Variants in PPP2R2B observed in about 807,000 individuals in gnomAD.
PPP2R2B encodes protein phosphatase 2 regulatory subunit Bbeta, also known as serine/threonine-protein phosphatase 2A 55 kDa regulatory subunit B beta isoform.
In PPP2R2B, 5 loss-of-function variants were observed where a neutral mutation model predicts 46.0. The ratio of observed to expected loss-of-function variants is 0.11; its 90% CI spans 0.06 to 0.23. The LOEUF is 0.23. Among genes scored for constraint, PPP2R2B ranks in the 10% least tolerant of loss-of-function variants. PPP2R2B has a pLI of 1.00. For missense variants in PPP2R2B, 367 were observed against 575.0 expected (o/e 0.64, Z 3.70); for synonymous variants, 215 against 206.7 (o/e 1.04, Z -0.34).
intron 2 of PPP2R2B, among the ~76,000 whole-genome samples, chr5:146,745,200 GAGAGAGAA>G (rs60754040): frequency 0.11 from 13,175 of 124,776 alleles, 936 homozygotes; most frequent in Middle Eastern, 0.15. Context: ...GAGAGAGAGA[GAGAGAGAA>G]AGAGACTATA....
intron 2 of PPP2R2B, among the ~76,000 whole-genome samples, chr5:146,841,830 T>C (rs1441129600): frequency 1.3e-5 from 2 of 152,158 alleles, no homozygotes; most frequent in Non-Finnish European, 2.9e-5. Context: ...ATACCTAATA[T>C]AGATGACGGG....
chr5:146,828,619 T>A (rs1758728352), intron 2 of PPP2R2B, among the ~76,000 whole-genome samples: 1 of 152,216 alleles, frequency 6.6e-6, no homozygotes, highest in Non-Finnish European at 1.5e-5. Context: ...GACAGCCAGA[T>A]GGAGATAATA....
intron 1 of PPP2R2B, among the ~76,000 whole-genome samples, chr5:146,895,838 C>G (rs1240818232): frequency 6.6e-6 from 1 of 152,168 alleles, no homozygotes; most frequent in Non-Finnish European, 1.5e-5. Context: ...TCCATCTCCA[C>G]CACAGGAAAG....
chr5:146,728,850 C>A (rs1342381962), intron 2 of PPP2R2B, among the ~76,000 whole-genome samples: 1 of 152,156 alleles, frequency 6.6e-6, no homozygotes, highest in Non-Finnish European at 1.5e-5. Flanking sequence ...CCATGTGGAA[C>A]CATATAAGTC....
At chr5:146,823,922 A>G (rs1272616935) in intron 2 of PPP2R2B, among the ~76,000 whole-genome samples, 1 of 152,180 alleles carries the variant, frequency 6.6e-6, no homozygotes, top group Non-Finnish European at 1.5e-5. Context: ...CTTACAAGTC[A>G]GCAAGTACCA....
chr5:146,783,675 T>C (rs1755670339), intron 2 of PPP2R2B, among the ~76,000 whole-genome samples: 1 of 152,232 alleles, frequency 6.6e-6, no homozygotes, highest in Non-Finnish European at 1.5e-5. Context: ...TGCTTGTCTT[T>C]GCAATGGTCA....
At chr5:146,744,700 T>C (rs116010640) in intron 2 of PPP2R2B, among the ~76,000 whole-genome samples, 2,780 of 152,328 alleles carry the variant, frequency 0.018, 37 homozygotes, top group South Asian at 0.045. Context: ...TCATTCCTCA[T>C]ATCTGAGAAA....
rs569296812 is a variant in PPP2R2B at position 146,757,274 on chromosome 5, C to T, written c.71-56132G>A. Reference sequence around the variant, plus strand: ...AGCCACAGAAGGTTTAGAAGTAGAGCGGGAACATGGTTTTATATAAATTTA... The same window carrying T: ...AGCCACAGAAGGTTTAGAAGTAGAGTGGGAACATGGTTTTATATAAATTTA... On this transcript the variant is annotated intron_variant, in intron 2 of 9. Coordinates refer to ENST00000394411, the MANE Select transcript of PPP2R2B (RefSeq NM_181675.4). Among the ~76,000 whole-genome samples the T allele has an allele frequency of 1.9e-4, 29 of 152,074 alleles. No homozygotes were observed. The South Asian group carries it at 3.3e-3, about 17-fold the overall frequency.
At chr5:146,663,160 C>T (rs1776772418) in intron 5 of PPP2R2B, among the ~76,000 whole-genome samples, 5 of 152,130 alleles carry the variant, frequency 3.3e-5, no homozygotes, top group Admixed American at 3.3e-4. Flanking sequence ...ATATCTGAGA[C>T]ACAAAGCAGT....
intron 1 of PPP2R2B, among the ~76,000 whole-genome samples, chr5:147,050,705 T>C (rs1019284992): frequency 6.6e-6 from 1 of 151,938 alleles, no homozygotes; most frequent in South Asian, 2.1e-4. Context: ...CATACCTACA[T>C]TGATATACAC....
chr5:146,702,723 G>A (rs1386468684), intron 2 of PPP2R2B, among the ~76,000 whole-genome samples: 1 of 152,160 alleles, frequency 6.6e-6, no homozygotes, highest in African/African-American at 2.4e-5. Flanking sequence ...CATATCTGTG[G>A]GCTGAATGTG....
chr5:146,862,464 G>A lies in PPP2R2B; in HGVS notation c.70+15538C>T, dbSNP rs540009713. ...AACTTGGACCTCAGTTGCCACATTC[G>A]TGAAATGGGGAAAATATCTATAAGC... On this transcript the variant is annotated intron_variant, in intron 2 of 9. Coordinates refer to ENST00000394411, the MANE Select transcript of PPP2R2B (RefSeq NM_181675.4). Among the ~76,000 whole-genome samples, 7 of 152,272 alleles carry A rather than the reference G, an allele frequency of 4.6e-5. No individual in the cohort carries two copies. The East Asian group carries it at 5.8e-4, about 13-fold the overall frequency.
At chr5:146,620,370 T>C (rs569599417) in intron 7 of PPP2R2B, among the ~76,000 whole-genome samples, 1 of 152,310 alleles carries the variant, frequency 6.6e-6, no homozygotes, top group Admixed American at 6.5e-5. Flanking sequence ...TTTTGAGAAC[T>C]GTCATTCTGG....
At chr5:146,953,022 A>G (rs1751696829) in intron 1 of PPP2R2B, among the ~76,000 whole-genome samples, 1 of 152,210 alleles carries the variant, frequency 6.6e-6, no homozygotes, top group African/African-American at 2.4e-5. Flanking sequence ...AAAATATGTA[A>G]AAATGATAAA....
At chr5:146,827,505 A>C (rs1027006541) in intron 2 of PPP2R2B, among the ~76,000 whole-genome samples, 1 of 152,350 alleles carries the variant, frequency 6.6e-6, no homozygotes, top group South Asian at 2.1e-4. Flanking sequence ...AGAAATTTGC[A>C]TGAACCCTTT....
At chr5:147,008,677 C>G (rs958922328) in intron 1 of PPP2R2B, among the ~76,000 whole-genome samples, 5 of 152,164 alleles carry the variant, frequency 3.3e-5, no homozygotes, top group African/African-American at 7.2e-5. Context: ...CCCCACCCCC[C>G]ACTCCTATGT....
Position 147,074,596 on chromosome 5 carries a change from A to T in PPP2R2B, c.50+6463T>A, listed in dbSNP as rs544828065. 1.0e-3 allele frequency among the ~76,000 whole-genome samples: 154 copies of T among 152,004 alleles called. 1 individual carries two copies. The highest frequency in any genetic ancestry group is 3.1e-3 in the African/African-American group (129 of 41,480). ...CAACCCAGTTGGTTTTTATTTATTTATTTTTTTTCTGGTGACAGCAAAGAG... is the reference window on the plus strand; with the variant it reads ...CAACCCAGTTGGTTTTTATTTATTTTTTTTTTTTCTGGTGACAGCAAAGAG... On this transcript the variant is annotated intron_variant, in intron 2 of 10. Coordinates refer to the PPP2R2B transcript ENST00000394413.
At chr5:146,709,248 G>A (rs959538427) in intron 2 of PPP2R2B, among the ~76,000 whole-genome samples, 4 of 152,152 alleles carry the variant, frequency 2.6e-5, no homozygotes, top group African/African-American at 9.7e-5. Context: ...TATCACAATG[G>A]CTGTTTCCTA....
At chr5:146,640,500 C>T (rs565872519) in intron 6 of PPP2R2B, among the ~76,000 whole-genome samples, 57 of 152,330 alleles carry the variant, frequency 3.7e-4, no homozygotes, top group Admixed American at 5.2e-4. Flanking sequence ...ATGGCCATGA[C>T]GTGGCGTTGG....
Sources: allele counts gnomAD v4.1 joint callset (sites outside exome capture counted in the v4.1 genomes callset), GRCh38; gene constraint gnomAD v4.1.1; transcripts MANE v1.5; gene names NCBI Gene and HGNC (gene_info 2026-07-23, HGNC 2026-07-21).